NSD2: variants seen among roughly 807,000 people sequenced by gnomAD.
NSD2 encodes histone-lysine N-methyltransferase NSD2.
NSD2 carries 12 observed loss-of-function variants against 139.0 expected under a neutral mutation model. The observed-to-expected ratio is 0.09, with a 90% CI of 0.06 to 0.14. The LOEUF (loss-of-function observed/expected upper bound fraction) is 0.14. Among genes scored for constraint, NSD2 ranks in the 10% least tolerant of loss-of-function variants. The pLI is 1.00. For missense variants in NSD2, 1,155 were observed against 1,745.0 expected, an observed-to-expected ratio of 0.66 and a Z score of 6.02; for synonymous variants, 669 against 648.7, an observed-to-expected ratio of 1.03 and a Z score of -0.48.
rs147086551 is a variant in NSD2, at chr4:1,960,296, A to T, written c.3255+556A>T. On this transcript the variant is annotated intron_variant, in intron 17 of 21. Transcript: ENST00000508803. ...GATGGTTATTTTTATGAAATGGAAG[A>T]TCTGTGAAGTGACCCACTTTCCTCT... Among the ~76,000 whole-genome samples the T allele has an allele frequency of 2.5e-3, 377 of 152,366 alleles. 3 individuals are homozygous for T. Among genetic ancestry groups the T allele is most frequent in the African/African-American group, 8.7e-3 (363 of 41,580 alleles).
At chr4:1,925,798 GTTTGTTTTTGTT>G (rs1156905093) in intron 5 of NSD2, among the ~76,000 whole-genome samples, 18 of 150,172 alleles carry the variant, frequency 1.2e-4, no homozygotes, top group Admixed American at 6.0e-4. Flanking sequence ...TTGTTTGTTT[GTTTGTTTTTGTT>G]TTTGTTTTTG....
At chr4:1,947,500 G>A (rs972715225) in intron 9 of NSD2, 1 of 1,057,298 alleles carries the variant, frequency 9.5e-7, no homozygotes, top group African/African-American at 1.6e-5. Flanking sequence ...TTTCTAGTTT[G>A]TGTAACCTAG....
chr4:1,958,347 G>T lies in NSD2; in HGVS notation c.2985+311G>T, dbSNP rs146706930. Among the ~76,000 whole-genome samples the T allele has an allele frequency of 2.6e-4, 39 of 152,374 alleles. No homozygotes were observed. The highest frequency in any genetic ancestry group is 8.9e-4 in the African/African-American group (37 of 41,600). On this transcript the variant is annotated intron_variant, in intron 16 of 21. Transcript: ENST00000508803. This position sits in a 1 kb window ranked among gnomAD's most constrained non-coding sequence, Gnocchi z 4.6. ...ATGAGCCTCCCACCTGCACCAGGCT[G>T]TTGCCAAGTGCTGGGAGTCAGTCAC...
intron 5 of NSD2, among the ~76,000 whole-genome samples, chr4:1,923,538 T>A (rs1720449533): frequency 6.6e-6 from 1 of 152,108 alleles, no homozygotes; most frequent in South Asian, 2.1e-4. Flanking sequence ...TTCACAGTCA[T>A]CAGGTGAGCA....
At chr4:1,895,729 T>A (rs186931128) in intron 1 of NSD2, among the ~76,000 whole-genome samples, 1 of 152,198 alleles carries the variant, frequency 6.6e-6, no homozygotes, top group Non-Finnish European at 1.5e-5. Context: ...CATGAGCAGT[T>A]CTCAGGTTTC....
At chr4:1,946,068 T>C (rs1468763204) in intron 9 of NSD2, 31 of 1,026,476 alleles carry the variant, frequency 3.0e-5, no homozygotes, top group Non-Finnish European at 3.6e-5. Context: ...ATCACCTTAG[T>C]TTTTTAAAAA....
chr4:1,930,629 G>A lies in NSD2; in HGVS notation c.1414G>A (p.Val472Ile). ...VFCQKHRDEV[V>I]AEHPDASGEE... ...GCACCTTCTCCCGTTCCCACAGGTGGTAGCTGAGCACCCAGATGCTTCAGG... is the reference window on the plus strand; with the variant it reads ...GCACCTTCTCCCGTTCCCACAGGTGATAGCTGAGCACCCAGATGCTTCAGG... Residue 472 changes from valine to isoleucine, a missense_variant, in exon 6 of 22, where the codon GTA (valine) becomes ATA (isoleucine). Physicochemically the swap from Val to Ile is conservative, Grantham distance 29 (BLOSUM62 3). This residue lies in a region of NSD2 where 420 missense variants were observed against 469.0 expected (regional missense o/e 0.90). Coordinates refer to ENST00000508803, the MANE Select transcript of NSD2 (RefSeq NM_001042424.3). 1.2e-6 allele frequency: 2 copies of A among 1,607,050 alleles called. No individual in the cohort carries two copies. The highest frequency in any genetic ancestry group is 2.2e-5 in the South Asian group (2 of 89,870).
At position 1,965,051 on chromosome 4, in the gene NSD2, C is replaced by CAAA. The variant is rs555374240; in HGVS notation, c.3372+3922_3372+3924dup. ...TAGACTTAACATGTCCAGTGTTCAG[C>CAAA]AAAAAAAAAAAAAAAAAAAAAAAAG... On this transcript the variant is annotated intron_variant, in intron 18 of 21. Coordinates refer to ENST00000508803, the MANE Select transcript of NSD2 (RefSeq NM_001042424.3). 5.1e-3 allele frequency among the ~76,000 whole-genome samples: 240 copies of CAAA among 47,056 alleles called. 5 individuals carry two copies. The highest frequency in any genetic ancestry group is 0.031 in the Middle Eastern group (1 of 32). 30.9% of individuals were successfully genotyped at this position (47,056 alleles called of 152,430 possible). A position where few individuals can be genotyped will look rare whatever the true frequency, so the allele number is the denominator to read the frequency against.
At chr4:1,945,354 C>G (rs879926556) in intron 9 of NSD2, 17 of 1,065,186 alleles carry the variant, frequency 1.6e-5, no homozygotes, top group Non-Finnish European at 1.9e-5. Flanking sequence ...GCTTGCTGCT[C>G]CTGTGCTGCC....
rs1430482911 is a variant in NSD2, at chr4:1,878,228, T to TAG, written c.-30+6687_-30+6688insGA. ...GGTGTGTGCCACCATGCCCGGCTGA[T>TAG]ATATATATATATATATATATATATT... On this transcript the variant is annotated intron_variant, in intron 1 of 21. Coordinates refer to ENST00000508803, the MANE Select transcript of NSD2 (RefSeq NM_001042424.3). 8.5e-4 allele frequency among the ~76,000 whole-genome samples: 23 copies of TAG among 27,196 alleles called. 1 individual carries two copies. The highest frequency in any genetic ancestry group is 1.7e-3 in the Admixed American group (4 of 2,384). The allele number at this position is 27,196 out of a possible 152,430, so 17.8% of individuals were successfully genotyped here. A position where few individuals can be genotyped will look rare whatever the true frequency, so the allele number is the denominator to read the frequency against.
rs769376398 is a variant in NSD2 at position 1,916,887 on chromosome 4, A to C, written c.777A>C (p.Ala259=). 1 of 1,608,750 alleles carries C rather than the reference A, an allele frequency of 6.2e-7. No homozygotes were observed. The highest frequency in any genetic ancestry group is 8.5e-7 in the Non-Finnish European group (1 of 1,178,334). ...YTKLKGQKKS[A]RQYHVQFFGD... ...AAAAACTAGGTCAGAAAAAGAGTGC[A>C]CGCCAGTATCACGTACAGTTCTTTG... Residue 259 remains alanine, a synonymous_variant, in exon 4 of 22, where the codon GCA becomes GCC. Transcript: ENST00000508803.
At chr4:1,967,671 T>G (rs1054170035) in intron 18 of NSD2, among the ~76,000 whole-genome samples, 2 of 152,158 alleles carry the variant, frequency 1.3e-5, no homozygotes, top group Non-Finnish European at 2.9e-5. Flanking sequence ...GGTTTCAGCC[T>G]AGGTCTGCTT....
At chr4:1,960,576 G>A (rs1475164803) in intron 17 of NSD2, among the ~76,000 whole-genome samples, 1 of 152,216 alleles carries the variant, frequency 6.6e-6, no homozygotes, top group Non-Finnish European at 1.5e-5. Context: ...TCATAAGCCT[G>A]GTGCCAGTTC....
intron 18 of NSD2, among the ~76,000 whole-genome samples, chr4:1,967,743 AT>A (rs1726036715): frequency 6.6e-6 from 1 of 152,188 alleles, no homozygotes; most frequent in Non-Finnish European, 1.5e-5. Flanking sequence ...AAAGGCTTTC[AT>A]GTGGGTGACA....
rs769386592 is a variant in NSD2, at chr4:1,980,106, G to A, written c.*1197G>A. On this transcript the variant is annotated 3_prime_UTR_variant, in exon 22 of 22. Coordinates refer to ENST00000508803, the MANE Select transcript of NSD2 (RefSeq NM_001042424.3). ...TGAGAGGTGCGGTCCTGGGGGTGGAGGCCTGCCTGGCAGGTGTGCGTGCCT... is the reference window on the plus strand; with the variant it reads ...TGAGAGGTGCGGTCCTGGGGGTGGAAGCCTGCCTGGCAGGTGTGCGTGCCT... The A allele has an allele frequency of 2.1e-5, 5 of 233,300 alleles. No homozygotes were observed. Among genetic ancestry groups the A allele is most frequent in the Non-Finnish European group, 4.2e-5 (5 of 118,142 alleles). 14.5% of individuals were successfully genotyped at this position (233,300 alleles called of 1,614,324 possible). A position where few individuals can be genotyped will look rare whatever the true frequency, so the allele number is the denominator to read the frequency against.
At chr4:1,897,852 C>A (rs890823990) in intron 1 of NSD2, among the ~76,000 whole-genome samples, 1 of 152,268 alleles carries the variant, frequency 6.6e-6, no homozygotes, top group East Asian at 1.9e-4. Flanking sequence ...GCCTCGAACT[C>A]CAGACCACAA....
chr4:1,925,490 C>G (rs1000733130), intron 5 of NSD2, among the ~76,000 whole-genome samples: 1 of 150,150 alleles, frequency 6.7e-6, no homozygotes, highest in Non-Finnish European at 1.5e-5. Context: ...CCTCCTCCCC[C>G]CGGGTTCAAG....
In NSD2 at chr4:1,955,453, G is replaced by A. The variant is rs1724711094; in HGVS notation, c.2518+113G>A. The A allele has an allele frequency of 1.2e-5, 17 of 1,376,592 alleles. No individual in the cohort carries two copies. In the South Asian group the frequency reaches 2.5e-4, roughly 20 times the overall value. The allele number at this position is 1,376,592 out of a possible 1,614,324, so 85.3% of individuals were successfully genotyped here. A position where few individuals can be genotyped will look rare whatever the true frequency, so the allele number is the denominator to read the frequency against. On this transcript the variant is annotated intron_variant, in intron 13 of 21. Transcript: ENST00000508803. This position sits in a 1 kb window ranked among gnomAD's most constrained non-coding sequence, Gnocchi z 4.7. Reference sequence around the variant, plus strand: ...TGTTCATTGATGTTGACAGTGTTCTGTGCGTCTTCACGTTAATAGTATATC... The same window carrying A: ...TGTTCATTGATGTTGACAGTGTTCTATGCGTCTTCACGTTAATAGTATATC...
At chr4:1,879,279 A>C (rs1320542140) in intron 1 of NSD2, among the ~76,000 whole-genome samples, 1 of 151,984 alleles carries the variant, frequency 6.6e-6, no homozygotes, top group Non-Finnish European at 1.5e-5. Context: ...AGTGCAGTGG[A>C]GTGATCTCAG....
Sources: gnomAD v4.1 joint callset for allele counts (sites outside exome capture counted in the v4.1 genomes callset) on GRCh38, gnomAD v4.1.1 for gene constraint, gnomAD v4.1.1 regional missense constraint, Gnocchi (gnomAD v3.1) non-coding constraint, MANE v1.5 for transcripts, NCBI Gene and HGNC (gene_info 2026-07-23, HGNC 2026-07-21) for gene names.